VWA3B: variants seen among roughly 807,000 people sequenced by gnomAD.
VWA3B encodes the protein von Willebrand factor A domain containing 3B, also known as von Willebrand factor A domain-containing protein 3B.
A neutral mutation model predicts 158.3 loss-of-function variants in VWA3B; 138 were observed. The ratio of observed to expected loss-of-function variants is 0.87; its 90% CI spans 0.76 to 1.00. The LOEUF (loss-of-function observed/expected upper bound fraction) is 1.00. Ranked by LOEUF, VWA3B falls within the 50% of genes least tolerant of loss-of-function variation. VWA3B has a pLI of 0.00. For missense variants in VWA3B, 1,555 were observed against 1,565.1 expected (o/e 0.99, Z 0.11); for synonymous variants, 596 against 587.3 (o/e 1.01, Z -0.21).
intron 9 of VWA3B, among the ~76,000 whole-genome samples, chr2:98,186,566 C>A (rs1484613758): frequency 6.6e-6 from 1 of 151,994 alleles, no homozygotes; most frequent in Non-Finnish European, 1.5e-5. Flanking sequence ...CCTTTCCCGT[C>A]CCGGCCTGAA....
chr2:98,236,799 A>C (rs1685724560), intron 19 of VWA3B, 69 bp downstream of exon 19: 12 of 1,538,690 alleles, frequency 7.8e-6, no homozygotes, highest in Non-Finnish European at 1.0e-5. Context: ...AAAGTAGTCC[A>C]ATTTCTTGTG....
intron 2 of VWA3B, among the ~76,000 whole-genome samples, chr2:98,105,741 A>T (rs1311587236): frequency 6.6e-6 from 1 of 151,310 alleles, no homozygotes; most frequent in African/African-American, 2.4e-5. Context: ...AAAAACACAC[A>T]CACACACAAA....
In VWA3B at chr2:98,125,532, G is replaced by A. The variant is rs1455859614; in HGVS notation, c.703-2707G>A. Among the ~76,000 whole-genome samples, 3 of 152,206 alleles carry A rather than the reference G, an allele frequency of 2.0e-5. No individual in the cohort carries two copies. The highest frequency in any genetic ancestry group is 4.4e-5 in the Non-Finnish European group (3 of 68,038). On this transcript the variant is annotated intron_variant, in intron 5 of 27. Coordinates refer to ENST00000477737, the MANE Select transcript of VWA3B (RefSeq NM_144992.5). This position sits in a 1 kb window ranked among gnomAD's most constrained non-coding sequence, Gnocchi z 4.1. ...TCATGCTCCACAGGACTGTTGTATTGAGTGAGATAATTCATTTTAGTTTAT... is the reference window on the plus strand; with the variant it reads ...TCATGCTCCACAGGACTGTTGTATTAAGTGAGATAATTCATTTTAGTTTAT...
chr2:98,169,593 G>A (rs1394450761), intron 8 of VWA3B, among the ~76,000 whole-genome samples: 1 of 152,160 alleles, frequency 6.6e-6, no homozygotes, highest in East Asian at 1.9e-4. Flanking sequence ...GATATTATAT[G>A]TCAATTGTAG....
At chr2:98,269,896 T>C (rs552323623) in intron 21 of VWA3B, among the ~76,000 whole-genome samples, 3 of 152,328 alleles carry the variant, frequency 2.0e-5, no homozygotes, top group Admixed American at 1.3e-4. Flanking sequence ...AGTCCTGTGA[T>C]TGTGCTGAGT....
intron 2 of VWA3B, among the ~76,000 whole-genome samples, chr2:98,110,911 G>A (rs145620316): frequency 6.6e-6 from 1 of 152,312 alleles, no homozygotes; most frequent in East Asian, 1.9e-4. Context: ...AAGAAGAGGA[G>A]TTCCTTTGCA....
intron 13 of VWA3B, chr2:98,212,295 C>T (rs1197637432): frequency 1.3e-5 from 4 of 312,618 alleles, no homozygotes; most frequent in Non-Finnish European, 2.4e-5. Context: ...CAAAAGGAGA[C>T]GTCTGCTGTC....
At chr2:98,109,041 G>A (rs1474967960) in intron 2 of VWA3B, among the ~76,000 whole-genome samples, 1 of 140,776 alleles carries the variant, frequency 7.1e-6, no homozygotes, top group Non-Finnish European at 1.5e-5. Flanking sequence ...TGCCTAGGCT[G>A]TAATGCAATG....
chr2:98,112,302 GGGTGT>G (rs1674200475), intron 2 of VWA3B, among the ~76,000 whole-genome samples: 12 of 148,466 alleles, frequency 8.1e-5, no homozygotes, highest in South Asian at 2.1e-4. Flanking sequence ...GTGTGTGTGT[GGGTGT>G]GTGTGTGTGT....
At position 98,311,230 on chromosome 2, in the gene VWA3B, C is replaced by G. The variant is rs1472150652; in HGVS notation, c.3522-589C>G. Among the ~76,000 whole-genome samples the G allele has an allele frequency of 5.3e-5, 8 of 152,324 alleles. No homozygotes were observed. The East Asian group carries it at 1.5e-3, about 29-fold the overall frequency. Reference sequence around the variant, plus strand: ...GGCTGGAATGAGGTCATGGTGTTATCAAGGTGCCTTCTTTGAAGGACAGCA... The same window carrying G: ...GGCTGGAATGAGGTCATGGTGTTATGAAGGTGCCTTCTTTGAAGGACAGCA... On this transcript the variant is annotated intron_variant, in intron 26 of 27. Transcript: ENST00000477737.
intron 7 of VWA3B, among the ~76,000 whole-genome samples, chr2:98,141,999 A>G (rs1328059084): frequency 1.3e-5 from 2 of 152,074 alleles, no homozygotes; most frequent in South Asian, 2.1e-4. Context: ...GATTTCTAGA[A>G]TTCAGTTTAA....
Position 98,188,109 on chromosome 2 carries a change from C to A in VWA3B, c.1446C>A (p.Ala482=). 2 of 1,612,864 alleles carry A rather than the reference C, an allele frequency of 1.2e-6. 1 individual carries two copies. The highest frequency in any genetic ancestry group is 2.2e-5 in the South Asian group (2 of 90,730). ...CKWYSERIHT[A]LARIRRRIKW... is the part of the protein sequence containing the mutation. ...GGTACAGTGAGAGAATCCACACAGC[C>A]CTGGCCCGGATCCGAAGGAGGTTGG... The change falls in exon 10 of 28, where the codon GCC becomes GCA. Residue 482 remains alanine (A), a synonymous_variant. Transcript: ENST00000477737.
At chr2:98,099,532 T>A (rs1682942241) in intron 2 of VWA3B, among the ~76,000 whole-genome samples, 1 of 152,320 alleles carries the variant, frequency 6.6e-6, no homozygotes, top group African/African-American at 2.4e-5. Context: ...TATTTGACAG[T>A]TTGATTATAA....
intron 10 of VWA3B, among the ~76,000 whole-genome samples, chr2:98,188,543 C>T (rs115067143): frequency 2.2e-4 from 34 of 152,336 alleles, no homozygotes; most frequent in Admixed American, 5.9e-4. Flanking sequence ...CTCACTACCT[C>T]TATCTGCTCA....
At chr2:98,180,271 C>G (rs1041895993) in intron 8 of VWA3B, among the ~76,000 whole-genome samples, 2 of 151,926 alleles carry the variant, frequency 1.3e-5, no homozygotes, top group Non-Finnish European at 2.9e-5. Context: ...CTCGGCTCAC[C>G]GCAACCTCCG....
At chr2:98,280,609 C>T (rs528351413) in intron 22 of VWA3B, among the ~76,000 whole-genome samples, 6 of 152,358 alleles carry the variant, frequency 3.9e-5, no homozygotes, top group African/African-American at 9.6e-5. Flanking sequence ...GACCGCTCAC[C>T]AGGCCTGTGC....
At chr2:98,205,108 T>C (rs918162162) in intron 12 of VWA3B, among the ~76,000 whole-genome samples, 1 of 152,186 alleles carries the variant, frequency 6.6e-6, no homozygotes, top group Non-Finnish European at 1.5e-5. Context: ...AGACTCTGCC[T>C]CAATAAATAA....
intron 7 of VWA3B, among the ~76,000 whole-genome samples, chr2:98,138,609 C>T (rs1676473299): frequency 6.6e-6 from 1 of 152,128 alleles, no homozygotes; most frequent in Non-Finnish European, 1.5e-5. Flanking sequence ...TGGTCTCCAC[C>T]ATCTGCACCT....
At chr2:98,156,801 T>G (rs1678121218) in intron 7 of VWA3B, among the ~76,000 whole-genome samples, 1 of 152,064 alleles carries the variant, frequency 6.6e-6, no homozygotes, top group African/African-American at 2.4e-5. Flanking sequence ...TAGAATAGAT[T>G]TATTCAGCTA....
Sources: allele counts gnomAD v4.1 joint callset (sites outside exome capture counted in the v4.1 genomes callset), GRCh38; gene constraint gnomAD v4.1.1; non-coding constraint Gnocchi (gnomAD v3.1); transcripts MANE v1.5; gene names NCBI Gene and HGNC (gene_info 2026-07-23, HGNC 2026-07-21).